PROCR: variants seen among roughly 807,000 people sequenced by gnomAD.
PROCR encodes protein C receptor.
PROCR carries 22 observed loss-of-function variants against 24.2 expected under a neutral mutation model. The ratio of observed to expected loss-of-function variants is 0.91; its 90% CI spans 0.65 to 1.30. The LOEUF (loss-of-function observed/expected upper bound fraction) is 1.30, where lower values mean the gene tolerates loss of function less well. Among genes scored for constraint, PROCR ranks in the 50% most tolerant of loss-of-function variants. The pLI, the probability that PROCR is intolerant of heterozygous loss-of-function variation, is 0.00. For synonymous variants in PROCR, 137 were observed against 139.2 expected, an observed-to-expected ratio of 0.98 and a Z score of 0.11; for missense variants, 288 against 307.7, an observed-to-expected ratio of 0.94 and a Z score of 0.48.
At chr20:35,186,938 G>A (rs80165945) in intron 1 of PROCR, among the ~76,000 whole-genome samples, 1 of 150,368 alleles carries the variant, frequency 6.7e-6, no homozygotes, top group Non-Finnish European at 1.5e-5. Flanking sequence ...GGGCAACAAA[G>A]CAAGACTCTG....
At chr20:35,199,810 T>C (rs1054478307) in intron 1 of PROCR, among the ~76,000 whole-genome samples, 4 of 151,642 alleles carry the variant, frequency 2.6e-5, no homozygotes, top group Non-Finnish European at 5.9e-5. Context: ...CTCTGGATGA[T>C]CTGGGCAAAG....
downstream of PROCR, among the ~76,000 whole-genome samples, chr20:35,178,951 G>T (rs2086052820): frequency 6.6e-6 from 1 of 151,326 alleles, no homozygotes; most frequent in Non-Finnish European, 1.5e-5. Context: ...CCAAGCGCAA[G>T]CTGGGCACGG....
At chr20:35,177,780 C>G (rs1415772), downstream of PROCR, among the ~76,000 whole-genome samples, 24,375 of 152,066 alleles carry the variant, frequency 0.16, 2,706 homozygotes, top group Non-Finnish European at 0.25. Context: ...ATAAACTACT[C>G]TGAGATCACC....
intron 1 of PROCR, among the ~76,000 whole-genome samples, chr20:35,183,342 T>C (rs1005662271): frequency 2.0e-5 from 3 of 152,150 alleles, no homozygotes; most frequent in African/African-American, 7.2e-5. Context: ...CTTGTTCAGT[T>C]AGATTACACA....
chr20:35,209,202 G>C (rs62211490), intron 1 of PROCR, among the ~76,000 whole-genome samples: 8 of 152,166 alleles, frequency 5.3e-5, no homozygotes, highest in African/African-American at 1.9e-4. Flanking sequence ...ACATGAAGTA[G>C]AATTCATAGG....
chr20:35,200,630 A>G (rs2060314942), intron 1 of PROCR, among the ~76,000 whole-genome samples: 1 of 152,188 alleles, frequency 6.6e-6, no homozygotes, highest in Middle Eastern at 3.2e-3. Context: ...ATAATATAGT[A>G]TAAACACAAC....
Position 35,174,784 on chromosome 20 carries a change from G to T in PROCR, c.153G>T (p.Gly51=), listed in dbSNP as rs1321582806. Residue 51 remains glycine (G), a synonymous_variant, in exon 2 of 4, where the codon GGG becomes GGT. Transcript: ENST00000216968. ...GGTACCAGGGCAACGCGTCGCTGGG[G>T]GGACACCTAACGCACGTGCTGGAAG... The part of the protein sequence containing the change: ...HVWYQGNASL[G]GHLTHVLEGP... 1.9e-6 allele frequency: 3 copies of T among 1,613,926 alleles called. No individual in the cohort carries two copies. The highest frequency in any genetic ancestry group is 1.7e-6 in the Non-Finnish European group (2 of 1,180,006).
chr20:35,206,025 T>C (rs2146177268), intron 1 of PROCR, among the ~76,000 whole-genome samples: 1 of 150,804 alleles, frequency 6.6e-6, no homozygotes, highest in Non-Finnish European at 1.5e-5. Context: ...TTTAACATTT[T>C]TAAAAAATTT....
At chr20:35,205,855 ATATACATATG>A (rs1490303261) in intron 1 of PROCR, among the ~76,000 whole-genome samples, 1 of 143,582 alleles carries the variant, frequency 7.0e-6, no homozygotes, top group Non-Finnish European at 1.5e-5. Context: ...ACATGTATAC[ATATACATATG>A]TATACATGTA....
At chr20:35,171,705 A>C (rs968944781), upstream of PROCR, among the ~76,000 whole-genome samples, 1 of 152,042 alleles carries the variant, frequency 6.6e-6, no homozygotes, top group Non-Finnish European at 1.5e-5. Context: ...AAGTCCCTGC[A>C]CCTCTCTGGA....
chr20:35,213,780 A>G (rs910416945), intron 1 of PROCR, among the ~76,000 whole-genome samples: 6 of 152,210 alleles, frequency 3.9e-5, no homozygotes, highest in Non-Finnish European at 5.9e-5. Context: ...ACAGTGAGAA[A>G]AATCTCCTTC....
At chr20:35,175,469 C>T (rs1480313198) in intron 2 of PROCR, among the ~76,000 whole-genome samples, 3 of 151,482 alleles carry the variant, frequency 2.0e-5, no homozygotes. Context: ...ACTCCTTCTT[C>T]TCAAAGACCC....
chr20:35,175,043 G>A lies in PROCR; in HGVS notation c.322+90G>A, dbSNP rs1047592501. 5.3e-6 allele frequency: 6 copies of A among 1,128,940 alleles called. No homozygotes were observed. The East Asian group carries it at 1.7e-4, about 32-fold the overall frequency. 69.9% of individuals were successfully genotyped at this position (1,128,940 alleles called of 1,614,324 possible). A position where few individuals can be genotyped will look rare whatever the true frequency, so the allele number is the denominator to read the frequency against. On this transcript the variant is annotated intron_variant, in intron 2 of 3. Coordinates refer to ENST00000216968, the MANE Select transcript of PROCR (RefSeq NM_006404.5). ...GGGGCGGGGCCTGGCGGATGGAGGC[G>A]GGCTGGGACTTGCAGGGACCCGGCA...
chr20:35,204,997 G>C (rs577567992), intron 1 of PROCR, among the ~76,000 whole-genome samples: 1 of 152,050 alleles, frequency 6.6e-6, no homozygotes. Context: ...AAATAGCCAG[G>C]CATGGTGGCT....
At chr20:35,192,916 A>C (rs1201302593) in intron 1 of PROCR, among the ~76,000 whole-genome samples, 4 of 152,222 alleles carry the variant, frequency 2.6e-5, no homozygotes, top group African/African-American at 4.8e-5. Context: ...AAATTATACT[A>C]TATTTACATA....
rs780324680 is a variant in PROCR, at chr20:35,176,348, T to C, written c.503T>C (p.Leu168Pro). The change falls in exon 3 of 4, where the codon CTC (leucine) becomes CCC (proline). Residue 168 changes from leucine to proline, a missense_variant. Physicochemically the swap from Leu to Pro is moderately conservative, Grantham distance 98 (BLOSUM62 -3). Coordinates refer to ENST00000216968, the MANE Select transcript of PROCR (RefSeq NM_006404.5). Reference sequence around the variant, plus strand: ...GTGGTCACCTTCACCCTGCAGCAGCTCAATGCCTACAACCGCACTCGGTAT... The same window carrying C: ...GTGGTCACCTTCACCCTGCAGCAGCCCAATGCCTACAACCGCACTCGGTAT... ...SGVVTFTLQQLNAYNRTRYEL... is the reference protein window; with the variant it reads ...SGVVTFTLQQPNAYNRTRYEL... 7.4e-6 allele frequency: 12 copies of C among 1,614,108 alleles called. No individual in the cohort carries two copies. The highest frequency in any genetic ancestry group is 1.0e-5 in the Non-Finnish European group (12 of 1,180,054).
At chr20:35,208,843 G>C (rs1465562715) in intron 1 of PROCR, among the ~76,000 whole-genome samples, 1 of 152,014 alleles carries the variant, frequency 6.6e-6, no homozygotes, top group Non-Finnish European at 1.5e-5. Context: ...ATGGTGGCAC[G>C]CACCTGTAAT....
chr20:35,174,462 A>C, intron 1 of PROCR: 1 of 571,680 alleles, frequency 1.7e-6, no homozygotes. Context: ...GGCAGAAAGG[A>C]GTGTCTCTTC....
At chr20:35,188,622 A>C (rs1161555725) in intron 1 of PROCR, among the ~76,000 whole-genome samples, 1 of 152,230 alleles carries the variant, frequency 6.6e-6, no homozygotes, top group African/African-American at 2.4e-5. Flanking sequence ...GACAAAGTGG[A>C]TAAAAGTGCA....
Sources: allele counts gnomAD v4.1 joint callset (sites outside exome capture counted in the v4.1 genomes callset), GRCh38; gene constraint gnomAD v4.1.1; transcripts MANE v1.5; gene names NCBI Gene and HGNC (gene_info 2026-07-23, HGNC 2026-07-21).